Variants in HOMER1 observed in about 807,000 individuals in gnomAD.
HOMER1 encodes homer scaffold protein 1.
HOMER1 carries 3 observed loss-of-function variants against 48.9 expected under a neutral mutation model. The ratio of observed to expected loss-of-function variants is 0.06; its 90% CI spans 0.03 to 0.16. The LOEUF (loss-of-function observed/expected upper bound fraction) is 0.16. Among genes scored for constraint, HOMER1 ranks in the 10% least tolerant of loss-of-function variants. HOMER1 has a pLI of 1.00. For missense variants in HOMER1, 247 were observed against 411.4 expected (o/e 0.60, Z 3.46); for synonymous variants, 134 against 146.4 (o/e 0.92, Z 0.61).
chr5:79,446,984 A>C, intron 4 of HOMER1, 69 bp downstream of exon 4: 1 of 994,176 alleles, frequency 1.0e-6, no homozygotes, highest in Non-Finnish European at 1.6e-6. Flanking sequence ...TGGAGATTTA[A>C]TTCTGGCATG....
intron 1 of HOMER1, among the ~76,000 whole-genome samples, chr5:79,492,332 C>T (rs1234644076): frequency 1.3e-5 from 2 of 151,900 alleles, no homozygotes; most frequent in Non-Finnish European, 1.5e-5. Context: ...AAAAGTGTAC[C>T]CTGTCTAGAA....
rs558225466 is a variant in HOMER1 at position 79,478,850 on chromosome 5, G to C, written c.6-21832C>G. The stretch of plus-strand genomic sequence containing the variant: ...GCCTGTAATCCCAGCTACTTAGGAG[G>C]CTGAGGCTGGAGAATCACTTGAACC... On this transcript the variant is annotated intron_variant, in intron 1 of 8. Transcript: ENST00000334082. Among the ~76,000 whole-genome samples the C allele has an allele frequency of 4.6e-5, 7 of 152,312 alleles. No homozygotes were observed. In the South Asian group the frequency reaches 1.4e-3, roughly 32 times the overall value.
At chr5:79,378,222 C>CAAAAAAAAA (rs58802660) in intron 8 of HOMER1, among the ~76,000 whole-genome samples, 5 of 85,576 alleles carry the variant, frequency 5.8e-5, no homozygotes, top group African/African-American at 1.9e-4. Context: ...GACTCTGTCT[C>CAAAAAAAAA]AAAAAAAAAA....
rs1164244184 is a variant in HOMER1 at position 79,374,853 on chromosome 5, A to C, written c.*1156T>G. 1 of 152,072 alleles carries C rather than the reference A, an allele frequency of 6.6e-6. No individual in the cohort carries two copies. Among genetic ancestry groups the C allele is most frequent in the African/African-American group, 2.4e-5 (1 of 41,438 alleles). The allele number at this position is 152,072 out of a possible 1,614,324, so 9.4% of individuals were successfully genotyped here. On this transcript the variant is annotated 3_prime_UTR_variant, in exon 9 of 9. Transcript: ENST00000334082. ...ATTTAATTCCTGTTTTGAAATACCT[A>C]GTTAACAATTCAGAATATTGCCTTG...
intron 8 of HOMER1, among the ~76,000 whole-genome samples, chr5:79,384,369 A>T (rs1749056281): frequency 6.6e-6 from 1 of 152,198 alleles, no homozygotes; most frequent in African/African-American, 2.4e-5. Flanking sequence ...AGAGACTATT[A>T]TGAGGTATAC....
intron 1 of HOMER1, among the ~76,000 whole-genome samples, chr5:79,491,218 G>A (rs1276217783): frequency 1.3e-5 from 2 of 150,350 alleles, no homozygotes; most frequent in South Asian, 2.1e-4. Context: ...GATCACTTGA[G>A]TTCAGGAATT....
intron 1 of HOMER1, among the ~76,000 whole-genome samples, chr5:79,473,157 T>A (rs1208328061): frequency 6.6e-6 from 1 of 152,190 alleles, no homozygotes; most frequent in African/African-American, 2.4e-5. Context: ...ACTAAACAAG[T>A]ACAGATAAAT....
intron 1 of HOMER1, among the ~76,000 whole-genome samples, chr5:79,490,149 C>A (rs962262374): frequency 6.6e-6 from 1 of 152,188 alleles, no homozygotes; most frequent in African/African-American, 2.4e-5. Context: ...GTGCCAGGCA[C>A]ACAGTAATTA....
intron 1 of HOMER1, among the ~76,000 whole-genome samples, chr5:79,460,327 G>A (rs1256325302): frequency 6.6e-6 from 1 of 152,182 alleles, no homozygotes; most frequent in Admixed American, 6.5e-5. Context: ...CACACCTGTA[G>A]TCCCAGCTAC....
intron 5 of HOMER1, among the ~76,000 whole-genome samples, chr5:79,430,832 G>T (rs1170931400): frequency 1.4e-5 from 2 of 140,664 alleles, no homozygotes; most frequent in African/African-American, 5.2e-5. Flanking sequence ...AGCTACTCGG[G>T]AAGCTGAGGC....
chr5:79,381,978 C>A (rs1225405943), intron 8 of HOMER1, among the ~76,000 whole-genome samples: 2 of 149,936 alleles, frequency 1.3e-5, no homozygotes, highest in Non-Finnish European at 3.0e-5. Flanking sequence ...AAGAATCAAA[C>A]AGAAATTCTG....
intron 8 of HOMER1, among the ~76,000 whole-genome samples, chr5:79,392,954 G>GGAGAGA (rs3082001): frequency 0.12 from 17,035 of 140,736 alleles, 1,150 homozygotes; most frequent in South Asian, 0.2. Flanking sequence ...GAAGGGAAAG[G>GGAGAGA]GAGAGAGAGA....
intron 5 of HOMER1, among the ~76,000 whole-genome samples, chr5:79,424,953 A>G (rs1028408544): frequency 1.3e-5 from 2 of 152,082 alleles, no homozygotes; most frequent in African/African-American, 4.8e-5. Context: ...CTTCCTCTAC[A>G]TGGAGATAGC....
intron 1 of HOMER1, among the ~76,000 whole-genome samples, chr5:79,489,656 T>A (rs1385960714): frequency 6.6e-6 from 1 of 152,156 alleles, no homozygotes; most frequent in African/African-American, 2.4e-5. Context: ...ATTAAAAAAA[T>A]TTAAAGGGCA....
intron 5 of HOMER1, among the ~76,000 whole-genome samples, chr5:79,426,781 A>G (rs766987865): frequency 1.3e-5 from 2 of 152,142 alleles, no homozygotes; most frequent in Non-Finnish European, 2.9e-5. Flanking sequence ...TCTCAAAATG[A>G]CTAGACTAGA....
intron 5 of HOMER1, among the ~76,000 whole-genome samples, chr5:79,426,046 A>G (rs1750239438): frequency 7.3e-6 from 1 of 136,808 alleles, no homozygotes; most frequent in African/African-American, 2.8e-5. Flanking sequence ...ATGAAAATTG[A>G]AAAAAAAAAA....
intron 6 of HOMER1, among the ~76,000 whole-genome samples, chr5:79,400,798 G>A (rs1351000913): frequency 7.0e-6 from 1 of 143,150 alleles, no homozygotes; most frequent in Non-Finnish European, 1.5e-5. Flanking sequence ...AAGCTAGAGT[G>A]CAGTAGAGCC....
intron 1 of HOMER1, among the ~76,000 whole-genome samples, chr5:79,493,080 G>A (rs1222485586): frequency 6.6e-6 from 1 of 151,854 alleles, no homozygotes; most frequent in African/African-American, 2.4e-5. Flanking sequence ...CACCACACCT[G>A]GCTAATTTTT....
chr5:79,377,274 C>A (rs1002475700), intron 8 of HOMER1, among the ~76,000 whole-genome samples: 1 of 152,086 alleles, frequency 6.6e-6, no homozygotes, highest in Non-Finnish European at 1.5e-5. Context: ...CCTATTACTG[C>A]TTTTAAAATT....
Sources: gnomAD v4.1 joint callset for allele counts (sites outside exome capture counted in the v4.1 genomes callset) on GRCh38, gnomAD v4.1.1 for gene constraint, MANE v1.5 for transcripts, NCBI Gene and HGNC (gene_info 2026-07-23, HGNC 2026-07-21) for gene names.